Variants in PVR observed in about 807,000 individuals in gnomAD.
PVR encodes poliovirus receptor.
PVR carries 39 observed loss-of-function variants against 43.3 expected under a neutral mutation model. The ratio of observed to expected loss-of-function variants is 0.90; its 90% CI spans 0.70 to 1.18. The LOEUF is 1.18. PVR is among the 50% of genes most tolerant of loss of function. The probability of loss-of-function intolerance (pLI) is 0.00; values close to 1 mark genes in which losing one functional copy is unlikely to be tolerated. For synonymous variants in PVR, 224 were observed against 233.2 expected, an observed-to-expected ratio of 0.96 and a Z score of 0.36; for missense variants, 480 against 549.7, an observed-to-expected ratio of 0.87 and a Z score of 1.27.
rs1973641549 is a variant in PVR at position 44,663,692 on chromosome 19, G to A, written c.*1881G>A. 3 of 152,104 alleles carry A rather than the reference G, an allele frequency of 2.0e-5. No individual in the cohort carries two copies. The highest frequency in any genetic ancestry group is 2.1e-4 in the South Asian group (1 of 4,820). 9.4% of individuals were successfully genotyped at this position (152,104 alleles called of 1,614,324 possible). On this transcript the variant is annotated 3_prime_UTR_variant, in exon 8 of 8. Transcript: ENST00000425690. The stretch of plus-strand genomic sequence containing the variant: ...GAGGCATGGAAGCAAGACGCTAAAT[G>A]AAGAGGGCCATAAGGGCTGGGATTC...
At position 44,653,887 on chromosome 19, in the gene PVR, C is replaced by G. The variant is rs1973353903; in HGVS notation, c.725-13C>G. Reference sequence around the variant, plus strand: ...CCTCCCAGTCTCTGAACCTCTGTATCCATTTCCTGCAGACCCCCCAGAGGT... The same window carrying G: ...CCTCCCAGTCTCTGAACCTCTGTATGCATTTCCTGCAGACCCCCCAGAGGT... On this transcript the variant is annotated splice_polypyrimidine_tract_variant and intron_variant, in intron 3 of 7. Coordinates refer to ENST00000425690, the MANE Select transcript of PVR (RefSeq NM_006505.5). The G allele has an allele frequency of 6.3e-7, 1 of 1,580,426 alleles. No individual in the cohort carries two copies. Among genetic ancestry groups the G allele is most frequent in the South Asian group, 1.1e-5 (1 of 90,418 alleles).
In PVR at chr19:44,661,896, AC is replaced by A. The variant is rs1973602317; in HGVS notation, c.*90del. 1 of 1,287,752 alleles carries A rather than the reference AC, an allele frequency of 7.8e-7. No homozygotes were observed. Among genetic ancestry groups the A allele is most frequent in the South Asian group, 1.2e-5 (1 of 83,290 alleles). 79.8% of individuals were successfully genotyped at this position (1,287,752 alleles called of 1,614,324 possible). ...TTGGACCCGACCCCAATGGATGAAG[AC>A]CCCCTCCAAAGAGACCAGCCTCCCT... On this transcript the variant is annotated 3_prime_UTR_variant, in exon 8 of 8. Coordinates refer to ENST00000425690, the MANE Select transcript of PVR (RefSeq NM_006505.5).
rs1315643662 is a variant in PVR, at chr19:44,661,835, A to G, written c.*24A>G. On this transcript the variant is annotated 3_prime_UTR_variant, in exon 8 of 8. Transcript: ENST00000425690. ...GACAGCGTCGGGACTGAGAGGGGAG[A>G]GAGACTGGAGCTGGCAAGGACGTGG... 1 of 1,610,182 alleles carries G rather than the reference A, an allele frequency of 6.2e-7. No individual in the cohort carries two copies. The highest frequency in any genetic ancestry group is 1.3e-5 in the African/African-American group (1 of 74,956).
At position 44,661,844 on chromosome 19, in the gene PVR, A is replaced by G. The variant is rs1261351331; in HGVS notation, c.*33A>G. The G allele has an allele frequency of 6.2e-7, 1 of 1,604,398 alleles. No homozygotes were observed. Among genetic ancestry groups the G allele is most frequent in the Admixed American group, 1.7e-5 (1 of 59,986 alleles). ...GGGACTGAGAGGGGAGAGAGACTGG[A>G]GCTGGCAAGGACGTGGGCCTCCAGA... On this transcript the variant is annotated 3_prime_UTR_variant, in exon 8 of 8. Coordinates refer to ENST00000425690, the MANE Select transcript of PVR (RefSeq NM_006505.5).
rs1278079157 is a variant in PVR at position 44,645,413 on chromosome 19, G to GTATATATATATA, written c.79+1239_79+1240insATATATATATAT. ...ATTTTATTATTTATTTATATGTTTT[G>GTATATATATATA]TGTATATATATATATATATATATAT... On this transcript the variant is annotated intron_variant, in intron 1 of 7. Coordinates refer to ENST00000425690, the MANE Select transcript of PVR (RefSeq NM_006505.5). Among the ~76,000 whole-genome samples the GTATATATATATA allele has an allele frequency of 6.8e-3, 355 of 52,038 alleles. 13 individuals carry two copies. The highest frequency in any genetic ancestry group is 0.031 in the African/African-American group (345 of 11,040). 34.1% of individuals were successfully genotyped at this position (52,038 alleles called of 152,430 possible). A position where few individuals can be genotyped will look rare whatever the true frequency, so the allele number is the denominator to read the frequency against.
Position 44,657,872 on chromosome 19 carries a change from T to C in PVR, c.953T>C (p.Leu318Pro), listed in dbSNP as rs936456637. 6.2e-7 allele frequency: 1 copy of C among 1,613,882 alleles called. No homozygotes were observed. Among genetic ancestry groups the C allele is most frequent in the Non-Finnish European group, 8.5e-7 (1 of 1,179,894 alleles). Residue 318 changes from leucine (L) to proline (P), a missense_variant, in exon 5 of 8, where the codon CTA becomes CCA. Leu to Pro is a moderately conservative substitution (Grantham distance 98). Transcript: ENST00000425690. ...TTLICNVTNA[L>P]GARQAELTVQ... ...TTAATCTGCAACGTCACCAATGCCC[T>C]AGGAGCTCGCCAGGCAGAACTGACC...
At position 44,643,936 on chromosome 19, in the gene PVR, T is replaced by G; in HGVS notation, c.-161T>G. The G allele has an allele frequency of 1.8e-6, 1 of 549,742 alleles. No homozygotes were observed. The highest frequency in any genetic ancestry group is 3.1e-6 in the Non-Finnish European group (1 of 321,762). The allele number at this position is 549,742 out of a possible 1,614,324, so 34.1% of individuals were successfully genotyped here. On this transcript the variant is annotated 5_prime_UTR_variant, in exon 1 of 8. Transcript: ENST00000425690. ...GTCACTTGTCTGGAGCTTGAAGAAG[T>G]GGGTATTCCCCTTCCCACCCCAGGC...
At chr19:44,649,103 C>A (rs1046520634) in intron 2 of PVR, among the ~76,000 whole-genome samples, 2 of 152,102 alleles carry the variant, frequency 1.3e-5, no homozygotes, top group East Asian at 1.9e-4. Flanking sequence ...CCAGGATAAC[C>A]CCCTTTGGGT....
In PVR at chr19:44,655,608, G is replaced by A. The variant is rs182140982; in HGVS notation, c.842+1591G>A. On this transcript the variant is annotated intron_variant, in intron 4 of 7. Coordinates refer to ENST00000425690, the MANE Select transcript of PVR (RefSeq NM_006505.5). ...TGTACATATAATTTTGAACCTTTTC[G>A]TCTGTCTTGTGAATACCTTTCCATG... Among the ~76,000 whole-genome samples the A allele has an allele frequency of 4.9e-3, 751 of 152,038 alleles. 3 individuals are homozygous for A. The highest frequency in any genetic ancestry group is 0.017 in the African/African-American group (703 of 41,458).
chr19:44,659,242 G>A (rs924701426), intron 6 of PVR: 5 of 219,522 alleles, frequency 2.3e-5, no homozygotes, highest in Non-Finnish European at 4.4e-5. Flanking sequence ...TGACTCCTAG[G>A]AGGAGGTGGC....
In PVR at chr19:44,663,575, G is replaced by A. The variant is rs1183615831; in HGVS notation, c.*1764G>A. ...AGAATCTCATTAAAGCTTATTTATT[G>A]TACCTCCAGCGGCTGTGTGCAATGG... On this transcript the variant is annotated 3_prime_UTR_variant, in exon 8 of 8. Transcript: ENST00000425690. The A allele has an allele frequency of 6.6e-6, 1 of 152,090 alleles. No individual in the cohort carries two copies. The highest frequency in any genetic ancestry group is 6.6e-5 in the Admixed American group (1 of 15,260). 9.4% of individuals were successfully genotyped at this position (152,090 alleles called of 1,614,324 possible).
At chr19:44,648,479 A>T (rs1973190336) in intron 2 of PVR, among the ~76,000 whole-genome samples, 1 of 151,846 alleles carries the variant, frequency 6.6e-6, no homozygotes, top group Non-Finnish European at 1.5e-5. Flanking sequence ...GATTCAAAAA[A>T]ACTGACCCTT....
intron 1 of PVR, among the ~76,000 whole-genome samples, chr19:44,646,887 A>G (rs1212848988): frequency 6.6e-6 from 1 of 152,234 alleles, no homozygotes; most frequent in African/African-American, 2.4e-5. Flanking sequence ...CTTAAATGGT[A>G]AATTTAGTTT....
rs1286606502 is a variant in PVR, at chr19:44,662,204, AAGTACTGCC to A, written c.*395_*403del. 8 of 215,856 alleles carry A rather than the reference AAGTACTGCC, an allele frequency of 3.7e-5. No homozygotes were observed. The East Asian group carries it at 7.7e-4, about 21-fold the overall frequency. 13.4% of individuals were successfully genotyped at this position (215,856 alleles called of 1,614,324 possible). A position where few individuals can be genotyped will look rare whatever the true frequency, so the allele number is the denominator to read the frequency against. On this transcript the variant is annotated 3_prime_UTR_variant, in exon 8 of 8. Coordinates refer to ENST00000425690, the MANE Select transcript of PVR (RefSeq NM_006505.5). Reference sequence around the variant, plus strand: ...ACAGCAACATGTGACAACATGCAAGAAGTACTGCCAATACTGCCAACCAGAGCAGCTCAC... The same window carrying A: ...ACAGCAACATGTGACAACATGCAAGAAATACTGCCAACCAGAGCAGCTCAC...
chr19:44,659,159 G>C (rs1218744539), intron 6 of PVR: 3 of 422,144 alleles, frequency 7.1e-6, no homozygotes, highest in African/African-American at 6.1e-5. Context: ...TGATGTGGGA[G>C]TCCCTGCCAG....
At position 44,662,045 on chromosome 19, in the gene PVR, G is replaced by A. The variant is rs1437176717; in HGVS notation, c.*234G>A. 1 of 552,156 alleles carries A rather than the reference G, an allele frequency of 1.8e-6. No individual in the cohort carries two copies. The highest frequency in any genetic ancestry group is 3.3e-6 in the Non-Finnish European group (1 of 306,706). 34.2% of individuals were successfully genotyped at this position (552,156 alleles called of 1,614,324 possible). ...GAAAGCTGTTAGGCTCACAGTTACA[G>A]TTTATTACAGTAAAAGGACAGAGAT... On this transcript the variant is annotated 3_prime_UTR_variant, in exon 8 of 8. Coordinates refer to ENST00000425690, the MANE Select transcript of PVR (RefSeq NM_006505.5).
At chr19:44,650,293 A>G (rs373901856) in intron 3 of PVR, among the ~76,000 whole-genome samples, 188 bp downstream of exon 3, 39 of 152,048 alleles carry the variant, frequency 2.6e-4, no homozygotes, top group South Asian at 2.3e-3. Flanking sequence ...CACTGTCCCT[A>G]TTGTCTACAC....
At position 44,658,729 on chromosome 19, in the gene PVR, C is replaced by T. The variant is rs201125056; in HGVS notation, c.992-13C>T. The T allele has an allele frequency of 2.5e-6, 4 of 1,589,924 alleles. No homozygotes were observed. The East Asian group carries it at 6.7e-5, about 27-fold the overall frequency. On this transcript the variant is annotated splice_polypyrimidine_tract_variant and intron_variant, in intron 5 of 7. Transcript: ENST00000425690. The stretch of plus-strand genomic sequence containing the variant: ...AGTTTCCTTACCTAAATACCTGTTT[C>T]CTTCTCTTTCAGAGGGACCTCCCAG...
rs1460118664 is a variant in PVR, at chr19:44,645,413, GTGTATATATATATA to G, written c.79+1240_79+1253del. On this transcript the variant is annotated intron_variant, in intron 1 of 7. Transcript: ENST00000425690. ...ATTTTATTATTTATTTATATGTTTT[GTGTATATATATATA>G]TATATATATATATATATAGTGCGTG... Among the ~76,000 whole-genome samples the G allele has an allele frequency of 3.1e-3, 161 of 52,094 alleles. 5 individuals carry two copies. The highest frequency in any genetic ancestry group is 0.014 in the African/African-American group (156 of 11,096). 34.2% of individuals were successfully genotyped at this position (52,094 alleles called of 152,430 possible).
Sources: gnomAD v4.1 joint callset for allele counts (sites outside exome capture counted in the v4.1 genomes callset) on GRCh38, gnomAD v4.1.1 for gene constraint, MANE v1.5 for transcripts, NCBI Gene and HGNC (gene_info 2026-07-23, HGNC 2026-07-21) for gene names.